FGF1: variants seen among roughly 807,000 people sequenced by gnomAD.
The protein encoded by FGF1 is beta-endothelial cell growth factor.
FGF1 carries 9 observed loss-of-function variants against 13.4 expected under a neutral mutation model. The ratio of observed to expected loss-of-function variants is 0.67; its 90% CI spans 0.40 to 1.17. The LOEUF (loss-of-function observed/expected upper bound fraction) is 1.17, where lower values mean the gene tolerates loss of function less well. Ranked by LOEUF, FGF1 falls within the 50% of genes most tolerant of loss-of-function variation. The pLI, the probability that FGF1 is intolerant of heterozygous loss-of-function variation, is 0.01. For synonymous variants in FGF1, 93 were observed against 79.0 expected (o/e 1.18, Z -0.94); for missense variants, 156 against 192.7 (o/e 0.81, Z 1.13).
At position 142,592,808 on chromosome 5, in the gene FGF1, G is replaced by T. The variant is rs1754525042; in HGVS notation, c.*2482C>A. On this transcript the variant is annotated 3_prime_UTR_variant, in exon 4 of 4. Transcript: ENST00000337706. Reference sequence around the variant, plus strand: ...TGATAGGGGTTTATTTTATGCTGGGGTTGCTGATTCTTCCAAAATCTGGGT... The same window carrying T: ...TGATAGGGGTTTATTTTATGCTGGGTTTGCTGATTCTTCCAAAATCTGGGT... The T allele has an allele frequency of 5.4e-6, 1 of 184,616 alleles. No homozygotes were observed. The highest frequency in any genetic ancestry group is 1.1e-5 in the Non-Finnish European group (1 of 90,100). The allele number at this position is 184,616 out of a possible 1,614,324, so 11.4% of individuals were successfully genotyped here. A position where few individuals can be genotyped will look rare whatever the true frequency, so the allele number is the denominator to read the frequency against.
At chr5:142,687,214 A>G (rs1751396161), upstream of FGF1, among the ~76,000 whole-genome samples, 1 of 152,128 alleles carries the variant, frequency 6.6e-6, no homozygotes, top group African/African-American at 2.4e-5. Flanking sequence ...GACCTGTCAG[A>G]ACTAGAAATA....
chr5:142,670,019 C>T (rs1022505666), intron 1 of FGF1, among the ~76,000 whole-genome samples: 11 of 152,160 alleles, frequency 7.2e-5, no homozygotes, highest in African/African-American at 2.7e-4. Context: ...AGAGGTTAAC[C>T]AGAGTGGAAA....
At chr5:142,650,656 A>G (rs1221115450) in intron 1 of FGF1, among the ~76,000 whole-genome samples, 2 of 151,264 alleles carry the variant, frequency 1.3e-5, no homozygotes, top group African/African-American at 2.4e-5. Flanking sequence ...TACACTTTAT[A>G]TGTGTGTGTG....
At chr5:142,634,461 A>G (rs895168516) in intron 1 of FGF1, among the ~76,000 whole-genome samples, 3 of 152,226 alleles carry the variant, frequency 2.0e-5, no homozygotes, top group Non-Finnish European at 4.4e-5. Context: ...GTATCCTTGT[A>G]TTTAAAATAA....
At chr5:142,672,899 TG>T (rs1328241942) in intron 1 of FGF1, among the ~76,000 whole-genome samples, 1 of 152,240 alleles carries the variant, frequency 6.6e-6, no homozygotes, top group African/African-American at 2.4e-5. Context: ...CCTGACCCTC[TG>T]CTCCTACCGT....
At chr5:142,611,689 T>C (rs551558936) in intron 2 of FGF1, among the ~76,000 whole-genome samples, 3 of 152,164 alleles carry the variant, frequency 2.0e-5, no homozygotes, top group Non-Finnish European at 4.4e-5. Context: ...CCACTTACTC[T>C]GATCTCTGTC....
intron 1 of FGF1, among the ~76,000 whole-genome samples, chr5:142,677,680 C>T (rs1772887206): frequency 6.6e-6 from 1 of 152,164 alleles, no homozygotes; most frequent in Admixed American, 6.5e-5. Flanking sequence ...TGAGTCTTGG[C>T]TTTAACACTC....
chr5:142,696,100 A>G (rs957133291), intron 2 of FGF1, among the ~76,000 whole-genome samples: 1 of 152,224 alleles, frequency 6.6e-6, no homozygotes, highest in African/African-American at 2.4e-5. Flanking sequence ...GCTAAGCCAC[A>G]GACAAGCATC....
At chr5:142,644,877 G>T (rs1302371746) in intron 1 of FGF1, among the ~76,000 whole-genome samples, 1 of 152,156 alleles carries the variant, frequency 6.6e-6, no homozygotes, top group East Asian at 1.9e-4. Context: ...ACACATGAGA[G>T]GACCAGAAAC....
chr5:142,665,806 C>T (rs1770195679), intron 1 of FGF1, among the ~76,000 whole-genome samples: 1 of 152,200 alleles, frequency 6.6e-6, no homozygotes, highest in Non-Finnish European at 1.5e-5. Context: ...TCTTCAAGCA[C>T]AACCAATAAG....
chr5:142,625,905 T>C lies in FGF1; in HGVS notation c.-34-11744A>G, dbSNP rs763209638. Among the ~76,000 whole-genome samples the C allele has an allele frequency of 1.2e-4, 18 of 152,354 alleles. No individual in the cohort carries two copies. The East Asian group carries it at 1.7e-3, about 15-fold the overall frequency. On this transcript the variant is annotated intron_variant, in intron 1 of 3. Transcript: ENST00000337706. Reference sequence around the variant, plus strand: ...CTGTTGGCTGCATCTTTTTTTTCTTTCCCCTTGACCTAGAAAATTTAGCTT... The same window carrying C: ...CTGTTGGCTGCATCTTTTTTTTCTTCCCCCTTGACCTAGAAAATTTAGCTT...
chr5:142,645,635 A>G (rs1765898547), intron 1 of FGF1, among the ~76,000 whole-genome samples: 1 of 152,156 alleles, frequency 6.6e-6, no homozygotes, highest in African/African-American at 2.4e-5. Flanking sequence ...TCCTTATCAC[A>G]ATGCCTGGCA....
At chr5:142,647,090 G>A (rs1373768543) in intron 1 of FGF1, among the ~76,000 whole-genome samples, 4 of 152,290 alleles carry the variant, frequency 2.6e-5, no homozygotes, top group African/African-American at 9.6e-5. Context: ...GAGGGGAAGG[G>A]TGGCAGAGTA....
intron 1 of FGF1, among the ~76,000 whole-genome samples, chr5:142,618,364 C>A (rs377388176): frequency 7.2e-5 from 11 of 152,102 alleles, no homozygotes; most frequent in African/African-American, 2.7e-4. Flanking sequence ...GGAACCCGGG[C>A]GAGTCATTCA....
intron 1 of FGF1, among the ~76,000 whole-genome samples, chr5:142,675,530 C>A (rs947291464): frequency 3.3e-5 from 5 of 152,174 alleles, no homozygotes; most frequent in African/African-American, 4.8e-5. Context: ...ATGAGGCAGT[C>A]AGGAGGACCA....
In FGF1 at chr5:142,656,805, G is replaced by T. The variant is rs188812398; in HGVS notation, c.-35+29152C>A. On this transcript the variant is annotated intron_variant, in intron 1 of 3. Transcript: ENST00000337706. The stretch of plus-strand genomic sequence containing the variant: ...CTTAATTTAAAAATCATATATCTAT[G>T]TGTAGACACATAGATAGAAAACTGA... 4.3e-4 allele frequency among the ~76,000 whole-genome samples: 65 copies of T among 152,332 alleles called. 1 individual carries two copies. The highest frequency in any genetic ancestry group is 1.5e-3 in the African/African-American group (64 of 41,566).
chr5:142,637,235 T>A (rs1412612015), intron 1 of FGF1, among the ~76,000 whole-genome samples: 1 of 151,828 alleles, frequency 6.6e-6, no homozygotes, highest in Non-Finnish European at 1.5e-5. Flanking sequence ...ACAAGGAATA[T>A]AATTTCCAAA....
At chr5:142,670,182 C>A (rs141191478) in intron 1 of FGF1, among the ~76,000 whole-genome samples, 8 of 152,226 alleles carry the variant, frequency 5.3e-5, no homozygotes, top group African/African-American at 1.9e-4. Flanking sequence ...TACTTCCCAG[C>A]TAGGAAGGCC....
At chr5:142,674,392 G>A (rs549394557) in intron 1 of FGF1, among the ~76,000 whole-genome samples, 1 of 152,320 alleles carries the variant, frequency 6.6e-6, no homozygotes, top group African/African-American at 2.4e-5. Flanking sequence ...AATATGAAAG[G>A]AAGGGAGGCA....
Sources: allele counts gnomAD v4.1 joint callset (sites outside exome capture counted in the v4.1 genomes callset), GRCh38; gene constraint gnomAD v4.1.1; transcripts MANE v1.5; gene names NCBI Gene and HGNC (gene_info 2026-07-23, HGNC 2026-07-21).